SGCZ: variants seen among roughly 807,000 people sequenced by gnomAD.
SGCZ encodes the protein zeta-sarcoglycan.
In SGCZ, 40 loss-of-function variants were observed where a neutral mutation model predicts 41.3. The ratio of observed to expected loss-of-function variants is 0.97; its 90% CI spans 0.75 to 1.26. SGCZ has a LOEUF of 1.26. SGCZ is among the 50% of genes most tolerant of loss of function. The probability of loss-of-function intolerance (pLI) is 0.00; values close to 1 mark genes in which losing one functional copy is unlikely to be tolerated. For synonymous variants in SGCZ, 206 were observed against 137.5 expected, an observed-to-expected ratio of 1.50 and a Z score of -3.49; for missense variants, 552 against 369.8, an observed-to-expected ratio of 1.49 and a Z score of -4.04.
chr8:14,734,299 A>T (rs572898257), intron 1 of SGCZ, among the ~76,000 whole-genome samples: 2 of 152,308 alleles, frequency 1.3e-5, no homozygotes, highest in African/African-American at 4.8e-5. Flanking sequence ...GATATCTACA[A>T]AATTGTAATA....
chr8:15,024,399 G>C (rs895942084), intron 1 of SGCZ, among the ~76,000 whole-genome samples: 4 of 152,174 alleles, frequency 2.6e-5, no homozygotes, highest in Non-Finnish European at 5.9e-5. Context: ...TATTTAGTGA[G>C]AGTTGTGCCT....
chr8:15,227,422 C>T (rs987921547), intron 1 of SGCZ, among the ~76,000 whole-genome samples: 1 of 152,096 alleles, frequency 6.6e-6, no homozygotes, highest in Non-Finnish European at 1.5e-5. Flanking sequence ...CCAGAGAGTT[C>T]TAAGCATTAC....
intron 2 of SGCZ, among the ~76,000 whole-genome samples, chr8:14,515,157 A>T (rs1029981826): frequency 6.6e-6 from 1 of 151,902 alleles, no homozygotes; most frequent in Non-Finnish European, 1.5e-5. Context: ...TGACTGCATT[A>T]CCATTGCTTT....
At chr8:14,422,303 T>C (rs561333451) in intron 2 of SGCZ, among the ~76,000 whole-genome samples, 1 of 152,204 alleles carries the variant, frequency 6.6e-6, no homozygotes, top group Non-Finnish European at 1.5e-5. Context: ...GTTTGAAAAG[T>C]AGAATCTGTT....
intron 1 of SGCZ, among the ~76,000 whole-genome samples, chr8:15,129,872 C>G (rs1807837265): frequency 6.6e-6 from 1 of 152,044 alleles, no homozygotes; most frequent in Non-Finnish European, 1.5e-5. Flanking sequence ...TGTCCTCAGA[C>G]AGTCACCACC....
At chr8:14,914,448 A>AT (rs1799366582) in intron 1 of SGCZ, among the ~76,000 whole-genome samples, 1 of 151,974 alleles carries the variant, frequency 6.6e-6, no homozygotes, top group African/African-American at 2.4e-5. Flanking sequence ...TGTTAGAGGA[A>AT]TTTTCTCTAT....
intron 1 of SGCZ, among the ~76,000 whole-genome samples, chr8:15,075,060 A>C (rs1805482106): frequency 6.6e-6 from 1 of 152,232 alleles, no homozygotes; most frequent in African/African-American, 2.4e-5. Flanking sequence ...ACTGTGTTGA[A>C]TAGTCAATCA....
intron 4 of SGCZ, among the ~76,000 whole-genome samples, chr8:14,203,043 G>A (rs879411204): frequency 1.3e-5 from 2 of 152,126 alleles, no homozygotes; most frequent in Non-Finnish European, 2.9e-5. Flanking sequence ...CTCTTTGGCT[G>A]CTGCCATCCA....
chr8:15,106,560 TTACA>T (rs150744879), intron 1 of SGCZ, among the ~76,000 whole-genome samples: 7,848 of 152,202 alleles, frequency 0.052, 258 homozygotes, highest in Non-Finnish European at 0.076. Flanking sequence ...CATCCTTTTA[TTACA>T]TACAGACTTC....
intron 1 of SGCZ, among the ~76,000 whole-genome samples, chr8:14,972,061 G>C (rs1235750773): frequency 8.6e-4 from 130 of 151,882 alleles, no homozygotes; most frequent in Non-Finnish European, 5.9e-5. Context: ...ATGAGTTGTA[G>C]TTTTTCTTCT....
intron 2 of SGCZ, among the ~76,000 whole-genome samples, chr8:14,389,945 C>T (rs545862020): frequency 2.0e-5 from 3 of 151,880 alleles, no homozygotes; most frequent in South Asian, 2.1e-4. Context: ...AAGTTAAAAA[C>T]GGTGTGAGTA....
At chr8:14,199,506 G>T (rs1805386497) in intron 4 of SGCZ, among the ~76,000 whole-genome samples, 1 of 152,088 alleles carries the variant, frequency 6.6e-6, no homozygotes, top group Admixed American at 6.6e-5. Flanking sequence ...TGAAGCATGT[G>T]ATCTCTGTGA....
At chr8:14,382,820 T>A (rs918134158) in intron 2 of SGCZ, among the ~76,000 whole-genome samples, 1 of 152,156 alleles carries the variant, frequency 6.6e-6, no homozygotes, top group Non-Finnish European at 1.5e-5. Context: ...ACCAGTGGTC[T>A]TTGTCAGAGA....
intron 5 of SGCZ, among the ~76,000 whole-genome samples, chr8:14,116,393 C>G (rs1802523731): frequency 6.6e-6 from 1 of 151,940 alleles, no homozygotes; most frequent in Non-Finnish European, 1.5e-5. Flanking sequence ...AAAGTTTTAC[C>G]TACAATTTTT....
At chr8:14,171,488 T>A (rs1355728060) in intron 4 of SGCZ, among the ~76,000 whole-genome samples, 1 of 152,046 alleles carries the variant, frequency 6.6e-6, no homozygotes, top group Non-Finnish European at 1.5e-5. Flanking sequence ...AATCTCCTAG[T>A]ACCAATTCAG....
At chr8:15,209,882 TGCCA>T (rs1801185760) in intron 1 of SGCZ, among the ~76,000 whole-genome samples, 1 of 152,186 alleles carries the variant, frequency 6.6e-6, no homozygotes, top group Non-Finnish European at 1.5e-5. Flanking sequence ...TCTCCAACTT[TGCCA>T]AGTCATAGGT....
chr8:14,798,513 C>T (rs1436076103), intron 1 of SGCZ, among the ~76,000 whole-genome samples: 1 of 152,088 alleles, frequency 6.6e-6, no homozygotes. Flanking sequence ...TGGTTATTAA[C>T]AGCATTGTTT....
intron 3 of SGCZ, among the ~76,000 whole-genome samples, chr8:14,285,452 G>C (rs534899563): frequency 1.8e-4 from 28 of 152,156 alleles, no homozygotes; most frequent in Admixed American, 1.3e-3. Context: ...GAAATCTGAA[G>C]CTTCTTAGTA....
chr8:14,806,776 C>CA (rs1395103830), intron 1 of SGCZ, among the ~76,000 whole-genome samples: 2 of 151,800 alleles, frequency 1.3e-5, no homozygotes, highest in Admixed American at 6.6e-5. Flanking sequence ...GAGACACAAC[C>CA]AAAAAAGAGA....
Sources: gnomAD v4.1 joint callset for allele counts (sites outside exome capture counted in the v4.1 genomes callset) on GRCh38, gnomAD v4.1.1 for gene constraint, MANE v1.5 for transcripts, NCBI Gene and HGNC (gene_info 2026-07-23, HGNC 2026-07-21) for gene names.